Variants in PARG observed in about 807,000 individuals in gnomAD.
The protein encoded by PARG is poly(ADP-ribose) glycohydrolase, also known as mitochondrial poly(ADP-ribose) glycohydrolase.
PARG carries 35 observed loss-of-function variants against 113.0 expected under a neutral mutation model. The observed-to-expected ratio is 0.31, with a 90% CI of 0.24 to 0.41. PARG has a LOEUF of 0.41. Ranked by LOEUF, PARG falls within the 10% of genes least tolerant of loss-of-function variation. The pLI, the probability that PARG is intolerant of heterozygous loss-of-function variation, is 1.00. For missense variants in PARG, 797 were observed against 1,169.4 expected, an observed-to-expected ratio of 0.68 and a Z score of 4.64; for synonymous variants, 330 against 409.9, an observed-to-expected ratio of 0.81 and a Z score of 2.36.
At position 49,941,601 on chromosome 10, in the gene PARG, T is replaced by G; in HGVS notation, c.125A>C (p.Lys42Thr). 1 of 1,577,548 alleles carries G rather than the reference T, an allele frequency of 6.3e-7. No individual in the cohort carries two copies. The highest frequency in any genetic ancestry group is 8.6e-7 in the Non-Finnish European group (1 of 1,162,680). ...PSRQRRVLDPKDAHVQFRVPP... is the reference protein window; with the variant it reads ...PSRQRRVLDPTDAHVQFRVPP... Reference sequence around the variant, plus strand: ...GACCCTGAACTGCACGTGAGCGTCCTTGGGGTCGAGGACGCGCCTCTGCCT... The same window carrying G: ...GACCCTGAACTGCACGTGAGCGTCCGTGGGGTCGAGGACGCGCCTCTGCCT... The change falls in exon 1 of 18, where the codon AAG becomes ACG. Residue 42 changes from lysine to threonine, a missense_variant. Lys to Thr is a moderately conservative substitution (Grantham distance 78, BLOSUM62 -1). Transcript: ENST00000616448.
intron 12 of PARG, among the ~76,000 whole-genome samples, chr10:49,859,284 A>C (rs1846142444): frequency 1.4e-5 from 2 of 145,618 alleles, no homozygotes; most frequent in South Asian, 4.4e-4. Flanking sequence ...ATTTTTACTC[A>C]ATTTCCCTCT....
intron 15 of PARG, among the ~76,000 whole-genome samples, chr10:49,834,295 G>C (rs1296857985): frequency 6.6e-6 from 1 of 152,152 alleles, no homozygotes; most frequent in East Asian, 1.9e-4. Flanking sequence ...TTTCATGTCA[G>C]AATTTTCTAA....
intron 4 of PARG, among the ~76,000 whole-genome samples, chr10:49,924,377 A>G (rs1373426938): frequency 2.6e-5 from 4 of 152,326 alleles, no homozygotes; most frequent in Middle Eastern, 3.4e-3. Context: ...TTCACTTGTA[A>G]TATGTTATGA....
At chr10:49,820,614 C>T (rs1420205313) in intron 16 of PARG, among the ~76,000 whole-genome samples, 1 of 150,938 alleles carries the variant, frequency 6.6e-6, no homozygotes, top group African/African-American at 2.4e-5. Context: ...CCCAGCTACT[C>T]GGGAGGCTGA....
At chr10:49,845,934 A>T (rs1554833248) in intron 13 of PARG, among the ~76,000 whole-genome samples, 1 of 151,792 alleles carries the variant, frequency 6.6e-6, no homozygotes, top group Non-Finnish European at 1.5e-5. Context: ...CAATAAGATT[A>T]ACTCCTTTAC....
chr10:49,833,491 T>C (rs782273603), intron 15 of PARG, among the ~76,000 whole-genome samples: 4 of 152,208 alleles, frequency 2.6e-5, no homozygotes, highest in African/African-American at 7.2e-5. Flanking sequence ...GAAATAACCT[T>C]TAAGATGCCT....
intron 7 of PARG, chr10:49,909,843 C>A: frequency 6.2e-6 from 1 of 161,644 alleles, no homozygotes; most frequent in South Asian, 1.7e-4. Context: ...TAACTTGGTC[C>A]CAGGGAAATA....
rs1385599822 is a variant in PARG at position 49,874,811 on chromosome 10, G to A, written c.1988+4862C>T. 4.1e-5 allele frequency among the ~76,000 whole-genome samples: 6 copies of A among 144,654 alleles called. 1 individual carries two copies. The highest frequency in any genetic ancestry group is 2.3e-4 in the South Asian group (1 of 4,444). 94.9% of individuals were successfully genotyped at this position (144,654 alleles called of 152,430 possible). On this transcript the variant is annotated intron_variant, in intron 9 of 17. Transcript: ENST00000616448. ...GGAGCTTGCAGTGAGCCGAGATGGC[G>A]CCACTGCACTCCAGCCTGGTCGACA...
intron 7 of PARG, among the ~76,000 whole-genome samples, chr10:49,888,176 A>C (rs1236139210): frequency 6.6e-6 from 1 of 152,054 alleles, no homozygotes; most frequent in African/African-American, 2.4e-5. Context: ...CTCCATTTAT[A>C]ATCTTCAATA....
chr10:49,890,297 C>T (rs1205041122), intron 7 of PARG, among the ~76,000 whole-genome samples: 2 of 152,052 alleles, frequency 1.3e-5, no homozygotes, highest in Non-Finnish European at 2.9e-5. Context: ...TTATTCTAGT[C>T]CCACAAATTG....
chr10:49,833,850 T>C (rs1055858040), intron 15 of PARG, among the ~76,000 whole-genome samples: 42 of 152,222 alleles, frequency 2.8e-4, no homozygotes, highest in African/African-American at 9.6e-4. Flanking sequence ...CAAATACAAT[T>C]AAAAGAATGA....
chr10:49,892,241 T>G (rs552873192), intron 7 of PARG, among the ~76,000 whole-genome samples: 1 of 152,226 alleles, frequency 6.6e-6, no homozygotes, highest in Non-Finnish European at 1.5e-5. Flanking sequence ...TTTTTTAAAA[T>G]GTCATGTATT....
Position 49,857,358 on chromosome 10 carries a change from A to G in PARG, c.2301T>C (p.Ile767=), listed in dbSNP as rs558473246. The G allele has an allele frequency of 4.0e-4, 501 of 1,263,232 alleles. 4 individuals carry two copies. The African/African-American group carries it at 6.8e-3, about 17-fold the overall frequency. 78.3% of individuals were successfully genotyped at this position (1,263,232 alleles called of 1,614,324 possible). The part of the protein sequence containing the change: ...IRFLINPELI[I]SRLFTEVLDH... ...CCAGCACCTCAGTGAAGAGCCGTGAAATAATCAACTCAGGATTGATTAAAA... is the reference window on the plus strand; with the variant it reads ...CCAGCACCTCAGTGAAGAGCCGTGAGATAATCAACTCAGGATTGATTAAAA... Residue 767 remains isoleucine (I), a synonymous_variant, in exon 13 of 18, where the codon ATT becomes ATC. Coordinates refer to ENST00000616448, the MANE Select transcript of PARG (RefSeq NM_003631.5).
At chr10:49,891,323 T>A (rs1327961076) in intron 7 of PARG, among the ~76,000 whole-genome samples, 2 of 150,854 alleles carry the variant, frequency 1.3e-5, no homozygotes. Context: ...CAAAAATAAA[T>A]AAATAAAAAA....
chr10:49,925,738 C>T (rs573028554), intron 4 of PARG, among the ~76,000 whole-genome samples: 2 of 152,322 alleles, frequency 1.3e-5, no homozygotes, highest in Admixed American at 1.3e-4. Context: ...AGCAGGGAGC[C>T]CTCTTAGGGG....
chr10:49,887,760 T>A (rs1265791346), intron 7 of PARG, among the ~76,000 whole-genome samples: 1 of 152,192 alleles, frequency 6.6e-6, no homozygotes, highest in African/African-American at 2.4e-5. Flanking sequence ...AATAAAGCTA[T>A]CTTTAGTCTC....
chr10:49,864,448 G>A (rs1195427112), intron 11 of PARG, among the ~76,000 whole-genome samples: 11 of 151,290 alleles, frequency 7.3e-5, no homozygotes, highest in Non-Finnish European at 1.3e-4. Context: ...TCAAGTTAAC[G>A]TTTTTTTAAG....
chr10:49,874,281 C>T (rs564553504), intron 9 of PARG, among the ~76,000 whole-genome samples: 15 of 151,992 alleles, frequency 9.9e-5, no homozygotes, highest in East Asian at 1.9e-4. Context: ...AAGGTACTTG[C>T]GCTAAAATAA....
intron 16 of PARG, among the ~76,000 whole-genome samples, chr10:49,824,425 G>A (rs571078495): frequency 2.1e-4 from 32 of 152,198 alleles, no homozygotes; most frequent in Admixed American, 3.9e-4. Flanking sequence ...TAAAAACATC[G>A]AATTCTAACT....
Sources: allele counts gnomAD v4.1 joint callset (sites outside exome capture counted in the v4.1 genomes callset), GRCh38; gene constraint gnomAD v4.1.1; transcripts MANE v1.5; gene names NCBI Gene and HGNC (gene_info 2026-07-23, HGNC 2026-07-21).